BCL9: variants seen among roughly 807,000 people sequenced by gnomAD.
BCL9 encodes the protein BCL9 transcription coactivator, also known as B-cell CLL/lymphoma 9 protein.
Under a neutral mutation model 88.5 loss-of-function variants are expected in BCL9, and 25 were observed. The observed-to-expected ratio is 0.28, with a 90% CI of 0.21 to 0.39. The LOEUF (loss-of-function observed/expected upper bound fraction) is 0.39. BCL9 is among the 10% of genes least tolerant of loss of function. The pLI is 1.00. For synonymous variants in BCL9, 711 were observed against 673.3 expected, an observed-to-expected ratio of 1.06 and a Z score of -0.87; for missense variants, 1,817 against 1,877.8, an observed-to-expected ratio of 0.97 and a Z score of 0.60.
intron 9 of BCL9, 152 bp from the exon 10 acceptor site, chr1:147,623,690 G>T: frequency 1.2e-6 from 1 of 856,986 alleles, no homozygotes; most frequent in East Asian, 2.6e-5. Flanking sequence ...GATGTATTAT[G>T]ATCTTATTGA....
intron 1 of BCL9, among the ~76,000 whole-genome samples, chr1:147,591,493 G>C (rs1197576670): frequency 6.6e-6 from 1 of 152,142 alleles, no homozygotes; most frequent in Non-Finnish European, 1.5e-5. Flanking sequence ...ACAGTTGAGG[G>C]AGAGCAATTC....
chr1:147,620,684 G>A lies in BCL9; in HGVS notation c.2529G>A (p.Arg843=), dbSNP rs1553205125. Residue 843 remains arginine, a synonymous_variant, in exon 8 of 10, where the codon CGG becomes CGA. Transcript: ENST00000234739. ...CTCCAGTTCAGCGCGGCCTGGGGCG[G>A]AAGCCCTTGGATATATCTGTGGCAG... is the stretch of plus-strand genomic sequence containing the variant. ...TAPPVQRGLG[R]KPLDISVAGS... 4 of 1,614,094 alleles carry A rather than the reference G, an allele frequency of 2.5e-6. No homozygotes were observed. In the African/African-American group the frequency reaches 5.3e-5, roughly 22 times the overall value.
At chr1:147,564,531 C>T (rs776735784) in intron 1 of BCL9, among the ~76,000 whole-genome samples, 3 of 152,036 alleles carry the variant, frequency 2.0e-5, no homozygotes, top group Non-Finnish European at 2.9e-5. Context: ...TTGGGGAAAA[C>T]GTCTGAGTCT....
At position 147,614,505 on chromosome 1, in the gene BCL9, C is replaced by T. The variant is rs1421116049; in HGVS notation, c.449C>T (p.Ala150Val). 18 of 1,613,814 alleles carry T rather than the reference C, an allele frequency of 1.1e-5. No individual in the cohort carries two copies. Among genetic ancestry groups the T allele is most frequent in the Non-Finnish European group, 1.4e-5 (17 of 1,179,878 alleles). Residue 150 changes from alanine (A) to valine (V), a missense_variant, in exon 6 of 10, where the codon GCC (alanine) becomes GTC (valine). By Grantham distance (64) the Ala-to-Val change is moderately conservative. Transcript: ENST00000234739. The stretch of plus-strand genomic sequence containing the variant: ...TCGATGACCCCATCAAATGCTACAG[C>T]CCCCAGGTCTTCTACCCCCTCCCAT... ...PHSMTPSNAT[A>V]PRSSTPSHGQ...
At chr1:147,603,935 G>T (rs1657525111) in intron 1 of BCL9, among the ~76,000 whole-genome samples, 4 of 152,124 alleles carry the variant, frequency 2.6e-5, no homozygotes, top group Admixed American at 2.0e-4. Context: ...AAATCAAATG[G>T]AAACAGTCAT....
At chr1:147,542,265 T>C (rs1654366172) in intron 1 of BCL9, among the ~76,000 whole-genome samples, 1 of 152,190 alleles carries the variant, frequency 6.6e-6, no homozygotes, top group Non-Finnish European at 1.5e-5. Flanking sequence ...AGGAGCGGCA[T>C]GGCAGGCAAG....
chr1:147,562,742 C>A (rs1377379032), intron 1 of BCL9, among the ~76,000 whole-genome samples: 3 of 152,152 alleles, frequency 2.0e-5, no homozygotes, highest in Admixed American at 6.5e-5. Flanking sequence ...TGGGTGCATG[C>A]ACTTGCACAT....
At chr1:147,612,832 T>A (rs1658079388) in intron 4 of BCL9, 51 bp from the exon 5 acceptor site, 2 of 1,559,654 alleles carry the variant, frequency 1.3e-6, no homozygotes, top group African/African-American at 2.7e-5. Flanking sequence ...TAATTTGTGC[T>A]GACCAGCTGT....
At position 147,619,231 on chromosome 1, in the gene BCL9, G is replaced by A. The variant is rs1553204447; in HGVS notation, c.1076G>A (p.Arg359Gln). Residue 359 changes from arginine to glutamine, a missense_variant, in exon 8 of 10, where the codon CGG (arginine) becomes CAG (glutamine). Physicochemically the swap from Arg to Gln is conservative, Grantham distance 43 (BLOSUM62 1). Transcript: ENST00000234739. The surrounding 1 kb of genome is among the most constrained non-coding windows in gnomAD (Gnocchi z 4.1). The part of the protein sequence containing the change: ...DGLSQEQLEH[R>Q]ERSLQTLRDI... ...CTATCTCAGGAGCAGCTGGAGCACCGGGAGCGCTCCTTACAAACTCTCAGA... is the reference window on the plus strand; with the variant it reads ...CTATCTCAGGAGCAGCTGGAGCACCAGGAGCGCTCCTTACAAACTCTCAGA... 5 of 1,614,152 alleles carry A rather than the reference G, an allele frequency of 3.1e-6. No individual in the cohort carries two copies. Among genetic ancestry groups the A allele is most frequent in the Non-Finnish European group, 4.2e-6 (5 of 1,180,036 alleles).
chr1:147,623,888 C>G lies in BCL9; in HGVS notation c.3210C>G (p.Pro1070=), dbSNP rs587605153. Residue 1070 remains proline (P), a synonymous_variant, in exon 10 of 10, where the codon CCC becomes CCG. Coordinates refer to ENST00000234739, the MANE Select transcript of BCL9 (RefSeq NM_004326.4). ...TQNPRISGPN[P]VVPMPTLSPM... is the part of the protein sequence containing the mutation. ...ATCCTCGAATTTCAGGTCCAAACCC[C>G]GTGGTTCCGATGCCAACCCTCAGCC... 2 of 1,614,160 alleles carry G rather than the reference C, an allele frequency of 1.2e-6. No homozygotes were observed. Among genetic ancestry groups the G allele is most frequent in the African/African-American group, 1.3e-5 (1 of 75,030 alleles).
At chr1:147,563,819 A>T (rs1655487128) in intron 1 of BCL9, among the ~76,000 whole-genome samples, 1 of 152,254 alleles carries the variant, frequency 6.6e-6, no homozygotes, top group Non-Finnish European at 1.5e-5. Context: ...ACACACTTGT[A>T]CCAAGCACCG....
chr1:147,571,220 C>T (rs1483124780), intron 1 of BCL9, among the ~76,000 whole-genome samples: 1 of 152,100 alleles, frequency 6.6e-6, no homozygotes, highest in Non-Finnish European at 1.5e-5. Context: ...TCTGACTGCT[C>T]TGAGGTGGGT....
chr1:147,551,342 G>T (rs1173422108), intron 1 of BCL9, among the ~76,000 whole-genome samples: 1 of 152,174 alleles, frequency 6.6e-6, no homozygotes, highest in Non-Finnish European at 1.5e-5. Flanking sequence ...CTGAGTCAAG[G>T]CTCAGGTCTT....
intron 1 of BCL9, among the ~76,000 whole-genome samples, chr1:147,566,710 C>T (rs904210565): frequency 2.0e-5 from 3 of 151,568 alleles, no homozygotes; most frequent in Admixed American, 6.6e-5. Flanking sequence ...GAGCCGAAAT[C>T]GCGCCACTGC....
chr1:147,623,830 T>C lies in BCL9; in HGVS notation c.3164-12T>C. ...GGTTAAGTTGATTCCTTTGATATCT[T>C]TATTTTTCTAGGAATGGGCATTAAT... On this transcript the variant is annotated splice_polypyrimidine_tract_variant and intron_variant, in intron 9 of 9. Coordinates refer to ENST00000234739, the MANE Select transcript of BCL9 (RefSeq NM_004326.4). 6.3e-7 allele frequency: 1 copy of C among 1,597,534 alleles called. No individual in the cohort carries two copies. The highest frequency in any genetic ancestry group is 8.5e-7 in the Non-Finnish European group (1 of 1,170,032).
At chr1:147,587,024 T>TTCTC (rs386635270) in intron 1 of BCL9, among the ~76,000 whole-genome samples, 123,887 of 147,670 alleles carry the variant, frequency 0.84, 51,728 homozygotes, top group East Asian at 0.93. Context: ...TTCTCTCTCT[T>TTCTC]TCTCTCTCTC....
chr1:147,612,646 A>C (rs1658070093), intron 4 of BCL9, among the ~76,000 whole-genome samples: 1 of 152,166 alleles, frequency 6.6e-6, no homozygotes, highest in African/African-American at 2.4e-5. Context: ...ATGGGTCCCC[A>C]TGTGACTGTA....
At chr1:147,600,777 G>A (rs1344216023) in intron 1 of BCL9, among the ~76,000 whole-genome samples, 2 of 46,786 alleles carry the variant, frequency 4.3e-5, no homozygotes, top group African/African-American at 1.9e-4. Context: ...GCAGGCCAGT[G>A]ACTTGTTGAA....
chr1:147,564,066 G>A (rs1247854361), intron 1 of BCL9, among the ~76,000 whole-genome samples: 10 of 152,146 alleles, frequency 6.6e-5, no homozygotes, highest in African/African-American at 7.2e-5. Flanking sequence ...CACTTCCTTC[G>A]AACGTGGATG....
Sources: gnomAD v4.1 joint callset for allele counts (sites outside exome capture counted in the v4.1 genomes callset) on GRCh38, gnomAD v4.1.1 for gene constraint, Gnocchi (gnomAD v3.1) non-coding constraint, MANE v1.5 for transcripts, NCBI Gene and HGNC (gene_info 2026-07-23, HGNC 2026-07-21) for gene names.